REV3L: variants seen among roughly 807,000 people sequenced by gnomAD.
REV3L encodes REV3 like, DNA directed polymerase zeta catalytic subunit.
A neutral mutation model predicts 299.4 loss-of-function variants in REV3L; 69 were observed. That is an observed-to-expected ratio of 0.23 (90% CI 0.19 to 0.28). REV3L has a LOEUF of 0.28. REV3L is among the 10% of genes least tolerant of loss of function. The pLI, the probability that REV3L is intolerant of heterozygous loss-of-function variation, is 1.00. For missense variants in REV3L, 3,128 were observed against 3,693.8 expected, an observed-to-expected ratio of 0.85 and a Z score of 3.97; for synonymous variants, 1,238 against 1,271.4, an observed-to-expected ratio of 0.97 and a Z score of 0.56.
chr6:111,377,465 T>C (rs1365223056), intron 12 of REV3L, among the ~76,000 whole-genome samples: 4 of 152,074 alleles, frequency 2.6e-5, no homozygotes, highest in African/African-American at 4.8e-5. Flanking sequence ...GCCTCCTGAG[T>C]AGCTGGGACT....
At chr6:111,446,076 A>G (rs901777288) in intron 1 of REV3L, among the ~76,000 whole-genome samples, 2 of 152,246 alleles carry the variant, frequency 1.3e-5, no homozygotes, top group African/African-American at 4.8e-5. Flanking sequence ...TTTGTGCTGT[A>G]CAGACATACA....
At chr6:111,388,575 C>T (rs1167271524) in intron 7 of REV3L, among the ~76,000 whole-genome samples, 1 of 152,044 alleles carries the variant, frequency 6.6e-6, no homozygotes, top group African/African-American at 2.4e-5. Flanking sequence ...ACTGTTGTAT[C>T]CATGGTATTA....
chr6:111,438,925 G>C (rs200246926), intron 1 of REV3L, among the ~76,000 whole-genome samples: 1 of 120,784 alleles, frequency 8.3e-6, no homozygotes, highest in African/African-American at 2.5e-5. Flanking sequence ...TGTATTAAAA[G>C]ACAAAAAAAA....
intron 1 of REV3L, among the ~76,000 whole-genome samples, chr6:111,457,130 T>C (rs1790248513): frequency 6.6e-6 from 1 of 152,028 alleles, no homozygotes; most frequent in Admixed American, 6.6e-5. Flanking sequence ...AAAAAATTAT[T>C]GTTAATTCCT....
At chr6:111,300,528 TA>T (rs970743056) in intron 31 of REV3L, among the ~76,000 whole-genome samples, 1 of 152,190 alleles carries the variant, frequency 6.6e-6, no homozygotes, top group South Asian at 2.1e-4. Context: ...ATGCCAATCA[TA>T]AAAAAGTTAC....
chr6:111,468,226 C>G (rs1791738951), intron 1 of REV3L, among the ~76,000 whole-genome samples: 1 of 152,114 alleles, frequency 6.6e-6, no homozygotes, highest in African/African-American at 2.4e-5. Flanking sequence ...TCCTTCCATT[C>G]CCATGCCTAA....
intron 1 of REV3L, chr6:111,430,310 C>A (rs73765965): frequency 0.021 from 23,368 of 1,095,724 alleles, 472 homozygotes; most frequent in Admixed American, 0.082. Flanking sequence ...TTTCCTGTGA[C>A]TGATTTTACT....
At chr6:111,473,009 A>T (rs17510395) in intron 1 of REV3L, among the ~76,000 whole-genome samples, 3,497 of 152,260 alleles carry the variant, frequency 0.023, 57 homozygotes, top group Admixed American at 0.063. Context: ...ATTTCACCCA[A>T]AGTTTACTGT....
At chr6:111,465,170 T>A (rs1791300483) in intron 1 of REV3L, among the ~76,000 whole-genome samples, 1 of 145,432 alleles carries the variant, frequency 6.9e-6, no homozygotes, top group African/African-American at 2.5e-5. Context: ...AACCTCTGCC[T>A]CCCGGGTTCA....
chr6:111,333,469 T>C (rs1234883424), intron 22 of REV3L, 102 bp from the exon 23 acceptor site: 6 of 1,405,214 alleles, frequency 4.3e-6, no homozygotes, highest in Non-Finnish European at 2.8e-6. Context: ...CAGAATAAGA[T>C]TGTATGACTT....
At chr6:111,352,220 T>A (rs529128196) in intron 18 of REV3L, among the ~76,000 whole-genome samples, 1 of 152,138 alleles carries the variant, frequency 6.6e-6, no homozygotes, top group African/African-American at 2.4e-5. Context: ...GTTGGTCAGG[T>A]TGGTCTCAGA....
In REV3L at chr6:111,430,759, G is replaced by A. The variant is rs542979667; in HGVS notation, c.140-14287C>T. The A allele has an allele frequency of 3.8e-6, 6 of 1,590,726 alleles. No individual in the cohort carries two copies. In the East Asian group the frequency reaches 6.7e-5, roughly 18 times the overall value. On this transcript the variant is annotated intron_variant, in intron 1 of 31. Coordinates refer to ENST00000368802, the MANE Select transcript of REV3L (RefSeq NM_001372078.1). Reference sequence around the variant, plus strand: ...ATAAGTTTAAAAGCAATAATTTAGAGAGAGCGCAGGAGCAGCTTGACCGCA... The same window carrying A: ...ATAAGTTTAAAAGCAATAATTTAGAAAGAGCGCAGGAGCAGCTTGACCGCA...
chr6:111,309,805 G>A, intron 30 of REV3L, 48 bp downstream of exon 30: 1 of 1,571,506 alleles, frequency 6.4e-7, no homozygotes, highest in Non-Finnish European at 8.6e-7. Context: ...AAAATTTGGA[G>A]TGAAATCTCT....
intron 26 of REV3L, among the ~76,000 whole-genome samples, chr6:111,317,770 C>G (rs1290071540): frequency 1.3e-5 from 2 of 152,008 alleles, no homozygotes; most frequent in Non-Finnish European, 1.5e-5. Flanking sequence ...TTGAGATGGC[C>G]TGGGCAATAT....
rs184976750 is a variant in REV3L at position 111,435,874 on chromosome 6, C to T, written c.140-19402G>A. On this transcript the variant is annotated intron_variant, in intron 1 of 31. Coordinates refer to ENST00000368802, the MANE Select transcript of REV3L (RefSeq NM_001372078.1). ...AATCAATGAAGTGATAAAGACAATT[C>T]ATAAAATGGAAAAAATATTCACACG... Among the ~76,000 whole-genome samples the T allele has an allele frequency of 6.7e-4, 102 of 152,234 alleles. 1 individual carries two copies. Among genetic ancestry groups the T allele is most frequent in the African/African-American group, 2.4e-3 (101 of 41,554 alleles).
chr6:111,351,294 G>C (rs1777541340), intron 19 of REV3L, among the ~76,000 whole-genome samples: 1 of 151,542 alleles, frequency 6.6e-6, no homozygotes, highest in Non-Finnish European at 1.5e-5. Context: ...ACAAGTCAAA[G>C]AAATGCTATG....
intron 9 of REV3L, among the ~76,000 whole-genome samples, chr6:111,383,050 C>G (rs1456009147): frequency 6.6e-6 from 1 of 152,214 alleles, no homozygotes; most frequent in African/African-American, 2.4e-5. Flanking sequence ...GGGTTCATCA[C>G]TTGCTCACTA....
chr6:111,420,844 T>C (rs370252971), intron 1 of REV3L, among the ~76,000 whole-genome samples: 1 of 152,276 alleles, frequency 6.6e-6, no homozygotes, highest in African/African-American at 2.4e-5. Context: ...AGAATTATAC[T>C]AAACATTAAG....
intron 26 of REV3L, among the ~76,000 whole-genome samples, chr6:111,316,526 G>T (rs1305592774): frequency 6.6e-6 from 1 of 151,594 alleles, no homozygotes; most frequent in Admixed American, 6.6e-5. Flanking sequence ...ATTAGCCAGG[G>T]GAGGTGGCGT....
Sources: gnomAD v4.1 joint callset for allele counts (sites outside exome capture counted in the v4.1 genomes callset) on GRCh38, gnomAD v4.1.1 for gene constraint, MANE v1.5 for transcripts, NCBI Gene and HGNC (gene_info 2026-07-23, HGNC 2026-07-21) for gene names.